The following GRIN3A variants were observed in gnomAD, a reference collection of about 807,000 sequenced individuals.
GRIN3A encodes glutamate receptor ionotropic, NMDA 3A.
A neutral mutation model predicts 92.4 loss-of-function variants in GRIN3A; 47 were observed. The observed-to-expected ratio is 0.51, with a 90% confidence interval of 0.40 to 0.65. The LOEUF is 0.65. GRIN3A is among the 30% of genes least tolerant of loss of function. The pLI, the probability that GRIN3A is intolerant of heterozygous loss-of-function variation, is 0.00. For synonymous variants in GRIN3A, 527 were observed against 540.6 expected (o/e 0.97, Z 0.35); for missense variants, 1,324 against 1,393.1 (o/e 0.95, Z 0.79).
In GRIN3A at chr9:101,737,583, C is replaced by T. The variant is rs556419599; in HGVS notation, c.397G>A (p.Asp133Asn). 16 of 1,614,086 alleles carry T rather than the reference C, an allele frequency of 9.9e-6. No individual in the cohort carries two copies. The East Asian group carries it at 3.3e-4, about 34-fold the overall frequency. Residue 133 changes from aspartate to asparagine, a missense_variant, in exon 1 of 9, where the codon GAC (aspartate) becomes AAC (asparagine). By Grantham distance (23) the Asp-to-Asn change is conservative. Transcript: ENST00000361820. ...AGCCCTTCCACGCGGTTCAGGTTGT[C>T]CACGGCAAATAGGAGGGCGTCCCGT... ...WPRDALLFAVDNLNRVEGLLP... is the reference protein window; with the variant it reads ...WPRDALLFAVNNLNRVEGLLP...
chr9:101,680,025 C>G (rs928866438), intron 2 of GRIN3A, among the ~76,000 whole-genome samples: 1 of 152,140 alleles, frequency 6.6e-6, no homozygotes, highest in African/African-American at 2.4e-5. Context: ...TCTGAAAGAG[C>G]CTGGAATATG....
chr9:101,733,634 G>A (rs1176517958), intron 1 of GRIN3A, among the ~76,000 whole-genome samples: 3 of 152,146 alleles, frequency 2.0e-5, no homozygotes, highest in Admixed American at 1.3e-4. Flanking sequence ...CCCCTCATGA[G>A]GTACCCCTGT....
intron 3 of GRIN3A, among the ~76,000 whole-genome samples, chr9:101,634,071 C>T (rs1002398228): frequency 6.6e-6 from 1 of 151,942 alleles, no homozygotes; most frequent in Non-Finnish European, 1.5e-5. Context: ...TGGTGGTTTA[C>T]GCCTGTAATC....
intron 2 of GRIN3A, among the ~76,000 whole-genome samples, chr9:101,678,651 T>C (rs1829429244): frequency 6.6e-6 from 1 of 152,190 alleles, no homozygotes; most frequent in African/African-American, 2.4e-5. Flanking sequence ...GGAGAGCTCC[T>C]ACCTTTCTTG....
chr9:101,673,889 G>A (rs892012994), intron 2 of GRIN3A, among the ~76,000 whole-genome samples: 9 of 152,120 alleles, frequency 5.9e-5, no homozygotes, highest in Middle Eastern at 3.4e-3. Flanking sequence ...ATTCAGACCC[G>A]CATAATGGGC....
intron 2 of GRIN3A, among the ~76,000 whole-genome samples, chr9:101,682,906 A>C (rs377495765): frequency 2.6e-4 from 39 of 152,280 alleles, no homozygotes; most frequent in African/African-American, 7.2e-4. Flanking sequence ...GGCGTGAACC[A>C]GGGAGGCGGA....
In GRIN3A at chr9:101,695,753, C is replaced by T. The variant is rs371861532; in HGVS notation, c.700-8553G>A. Among the ~76,000 whole-genome samples, 73 of 152,220 alleles carry T rather than the reference C, an allele frequency of 4.8e-4. No individual in the cohort carries two copies. In the Middle Eastern group the frequency reaches 0.01, roughly 21 times the overall value. The stretch of plus-strand genomic sequence containing the variant: ...CGTAATTGATCCTTTCCCAATGACT[C>T]GTAGTATTCTGATGTCAACACCAGT... On this transcript the variant is annotated intron_variant, in intron 1 of 8. Transcript: ENST00000361820.
chr9:101,637,320 C>T (rs1588260729), intron 3 of GRIN3A, among the ~76,000 whole-genome samples: 1 of 152,144 alleles, frequency 6.6e-6, no homozygotes, highest in African/African-American at 2.4e-5. Context: ...GTCTCCATCT[C>T]CTGACCTCGT....
intron 6 of GRIN3A, among the ~76,000 whole-genome samples, chr9:101,605,759 C>G (rs767398110): frequency 6.6e-6 from 1 of 152,174 alleles, no homozygotes; most frequent in Non-Finnish European, 1.5e-5. Flanking sequence ...TACTTTTGGA[C>G]TGTTTCAAAA....
Position 101,670,541 on chromosome 9 carries a change from G to C in GRIN3A, c.1871C>G (p.Thr624Ser), listed in dbSNP as rs1829303207. ...TGLVGDLLRG[T>S]AHMAVTSFSI... ...AAAGGAAGTGACTGCCATGTGGGCAGTCCCTCTCAGGAGATCACCCACTAG... is the reference window on the plus strand; with the variant it reads ...AAAGGAAGTGACTGCCATGTGGGCACTCCCTCTCAGGAGATCACCCACTAG... The change falls in exon 3 of 9, where the codon ACT (threonine) becomes AGT (serine). Residue 624 changes from threonine (T) to serine (S), a missense_variant. Transcript: ENST00000361820. 6.2e-7 allele frequency: 1 copy of C among 1,614,034 alleles called. No homozygotes were observed.
At chr9:101,583,580 ATT>A (rs1827916544) in intron 6 of GRIN3A, among the ~76,000 whole-genome samples, 2 of 152,184 alleles carry the variant, frequency 1.3e-5, no homozygotes, top group Non-Finnish European at 2.9e-5. Flanking sequence ...AATATCAAAT[ATT>A]TAAAATACAC....
chr9:101,672,634 C>A (rs1439505781), intron 2 of GRIN3A, among the ~76,000 whole-genome samples: 1 of 152,050 alleles, frequency 6.6e-6, no homozygotes, highest in Non-Finnish European at 1.5e-5. Flanking sequence ...TATGTTGCCA[C>A]AGAAGGGACA....
intron 1 of GRIN3A, among the ~76,000 whole-genome samples, chr9:101,694,829 A>G (rs917478330): frequency 6.6e-6 from 1 of 152,172 alleles, no homozygotes; most frequent in South Asian, 2.1e-4. Context: ...GTAATCCAAG[A>G]ACAGATAATC....
intron 3 of GRIN3A, among the ~76,000 whole-genome samples, chr9:101,666,131 C>T (rs930176612): frequency 1.3e-5 from 2 of 151,880 alleles, no homozygotes; most frequent in African/African-American, 2.4e-5. Flanking sequence ...TCCTGGGACT[C>T]CTTATTCATG....
chr9:101,650,817 C>A (rs1001810291), intron 3 of GRIN3A, among the ~76,000 whole-genome samples: 44 of 151,788 alleles, frequency 2.9e-4, no homozygotes, highest in African/African-American at 8.7e-4. Context: ...GGAATTCCAC[C>A]CCCCCACACA....
chr9:101,597,773 T>C (rs555281232), intron 6 of GRIN3A, among the ~76,000 whole-genome samples: 1 of 152,338 alleles, frequency 6.6e-6, no homozygotes, highest in Middle Eastern at 3.4e-3. Flanking sequence ...TAAAGTTGTT[T>C]ATAAAGTTGT....
intron 6 of GRIN3A, 118 bp from the exon 7 acceptor site, chr9:101,579,478 G>A (rs1827864220): frequency 1.0e-6 from 1 of 964,578 alleles, no homozygotes; most frequent in Non-Finnish European, 1.6e-6. Flanking sequence ...GACAGCTGGA[G>A]ACTATTTCTC....
At chr9:101,589,510 A>G (rs548119090) in intron 6 of GRIN3A, among the ~76,000 whole-genome samples, 1 of 152,278 alleles carries the variant, frequency 6.6e-6, no homozygotes, top group East Asian at 1.9e-4. Context: ...ATTTGTATTT[A>G]TTGAATTAGC....
chr9:101,720,774 A>T (rs1830002262), intron 1 of GRIN3A, among the ~76,000 whole-genome samples: 1 of 152,144 alleles, frequency 6.6e-6, no homozygotes, highest in African/African-American at 2.4e-5. Flanking sequence ...AATCATACAC[A>T]CATTTCTGTT....
Sources: allele counts gnomAD v4.1 joint callset (sites outside exome capture counted in the v4.1 genomes callset), GRCh38; gene constraint gnomAD v4.1.1; transcripts MANE v1.5; gene names NCBI Gene and HGNC (gene_info 2026-07-23, HGNC 2026-07-21).